The following RASD2 variants were observed in gnomAD, a reference collection of about 807,000 sequenced individuals.
RASD2 encodes the protein RASD family member 2.
In RASD2, 7 loss-of-function variants were observed where a neutral mutation model predicts 15.8. That is an observed-to-expected ratio of 0.44 (90% confidence interval 0.25 to 0.83). The LOEUF (loss-of-function observed/expected upper bound fraction) is 0.83. Ranked by LOEUF, RASD2 falls within the 40% of genes least tolerant of loss-of-function variation. RASD2 has a pLI of 0.20. For synonymous variants in RASD2, 155 were observed against 153.6 expected, an observed-to-expected ratio of 1.01 and a Z score of -0.07; for missense variants, 274 against 382.8, an observed-to-expected ratio of 0.72 and a Z score of 2.37.
chr22:35,546,677 C>G lies in RASD2; in HGVS notation c.-9-124C>G. Reference sequence around the variant, plus strand: ...GTAGAACTCCAAGACCCCTTAGAACCTCGTCTGATGTTCCCATTTTACAGA... The same window carrying G: ...GTAGAACTCCAAGACCCCTTAGAACGTCGTCTGATGTTCCCATTTTACAGA... On this transcript the variant is annotated intron_variant, in intron 1 of 2. Transcript: ENST00000216127. 6.0e-6 allele frequency: 8 copies of G among 1,323,744 alleles called. No homozygotes were observed. In the South Asian group the frequency reaches 1.2e-4, roughly 20 times the overall value. 82.0% of individuals were successfully genotyped at this position (1,323,744 alleles called of 1,614,324 possible).
chr22:35,546,852 C>T lies in RASD2; in HGVS notation c.43C>T (p.Pro15Ser), dbSNP rs778711974. The T allele has an allele frequency of 1.9e-5, 30 of 1,613,558 alleles. No homozygotes were observed. The highest frequency in any genetic ancestry group is 2.5e-5 in the Non-Finnish European group (30 of 1,179,800). Residue 15 changes from proline to serine, a missense_variant, in exon 2 of 3, where the codon CCC becomes TCC. Physicochemically the swap from Pro to Ser is moderately conservative, Grantham distance 74. Coordinates refer to ENST00000216127, the MANE Select transcript of RASD2 (RefSeq NM_014310.4). Reference protein sequence around the residue: ...LSSGNCTLSVPAKNSYRMVVL... With the variant: ...LSSGNCTLSVSAKNSYRMVVL... ...CAGCGGGAACTGCACGCTCAGTGTG[C>T]CCGCCAAAAACTCATACCGCATGGT...
At chr22:35,542,983 A>G (rs1934393059) in intron 1 of RASD2, among the ~76,000 whole-genome samples, 1 of 152,148 alleles carries the variant, frequency 6.6e-6, no homozygotes, top group Non-Finnish European at 1.5e-5. Flanking sequence ...ACTGAGACAG[A>G]CAGTGTTTTG....
chr22:35,552,400 A>C lies in RASD2; in HGVS notation c.*368A>C. 1 of 228,402 alleles carries C rather than the reference A, an allele frequency of 4.4e-6. No individual in the cohort carries two copies. The highest frequency in any genetic ancestry group is 8.6e-6 in the Non-Finnish European group (1 of 116,130). The allele number at this position is 228,402 out of a possible 1,614,324, so 14.1% of individuals were successfully genotyped here. A position where few individuals can be genotyped will look rare whatever the true frequency, so the allele number is the denominator to read the frequency against. On this transcript the variant is annotated 3_prime_UTR_variant, in exon 3 of 3. Transcript: ENST00000216127. The stretch of plus-strand genomic sequence containing the variant: ...CTCCTGGGACAAGCCTCAGGATGAA[A>C]AGGACACAGAAGGCCAGATGAGAAA...
intron 1 of RASD2, among the ~76,000 whole-genome samples, chr22:35,543,819 CT>C: frequency 6.7e-6 from 1 of 148,900 alleles, no homozygotes; most frequent in African/African-American, 2.6e-5. Flanking sequence ...CTCTCTCTGA[CT>C]CTTTGCCTCC....
At position 35,551,112 on chromosome 22, in the gene RASD2, T is replaced by C. The variant is rs760036584; in HGVS notation, c.272-391T>C. The stretch of plus-strand genomic sequence containing the variant: ...ATGAGGCCAGATGCAAACTAGGCAT[T>C]GAGCAAGACAGGCAGGACCCCTGCT... On this transcript the variant is annotated intron_variant, in intron 2 of 2. Coordinates refer to ENST00000216127, the MANE Select transcript of RASD2 (RefSeq NM_014310.4). This position sits in a 1 kb window ranked among gnomAD's most constrained non-coding sequence, Gnocchi z 4.9. Among the ~76,000 whole-genome samples the C allele has an allele frequency of 2.0e-4, 30 of 152,216 alleles. No individual in the cohort carries two copies. The highest frequency in any genetic ancestry group is 4.0e-4 in the Non-Finnish European group (27 of 68,022).
At chr22:35,547,210 G>A (rs1934530082) in intron 2 of RASD2, 130 bp downstream of exon 2, 1 of 1,205,912 alleles carries the variant, frequency 8.3e-7, no homozygotes, top group Non-Finnish European at 1.1e-6. Context: ...TGCACAATGA[G>A]GCTCAGAGAG....
intron 2 of RASD2, among the ~76,000 whole-genome samples, chr22:35,550,338 G>T (rs908556731): frequency 9.9e-5 from 15 of 151,502 alleles, no homozygotes; most frequent in Admixed American, 9.2e-4. Flanking sequence ...CTGCTCCAGA[G>T]GCTGAGGCAG....
intron 1 of RASD2, among the ~76,000 whole-genome samples, chr22:35,546,433 C>G (rs370605527): frequency 6.6e-6 from 1 of 152,222 alleles, no homozygotes; most frequent in African/African-American, 2.4e-5. Flanking sequence ...TGTGCTGAGC[C>G]CTTTGCAACA....
intron 1 of RASD2, 90 bp from the exon 2 acceptor site, chr22:35,546,711 T>G: frequency 6.8e-7 from 1 of 1,467,974 alleles, no homozygotes. Flanking sequence ...GACAGAAAAC[T>G]GAGTCCTAGA....
In RASD2 at chr22:35,540,901, G is replaced by A; in HGVS notation, c.-609G>A. 1 of 152,804 alleles carries A rather than the reference G, an allele frequency of 6.5e-6. No individual in the cohort carries two copies. The highest frequency in any genetic ancestry group is 2.4e-5 in the African/African-American group (1 of 41,586). The allele number at this position is 152,804 out of a possible 1,614,324, so 9.5% of individuals were successfully genotyped here. The stretch of plus-strand genomic sequence containing the variant: ...AGAAAGAAGCCGTCCCTCCGGCGCT[G>A]GGAGAGCTGCAGAGCCGCGGGCAGA... On this transcript the variant is annotated 5_prime_UTR_variant, in exon 1 of 3. Coordinates refer to ENST00000216127, the MANE Select transcript of RASD2 (RefSeq NM_014310.4).
intron 1 of RASD2, among the ~76,000 whole-genome samples, chr22:35,543,323 G>A (rs1390900273): frequency 7.2e-5 from 11 of 152,186 alleles, no homozygotes; most frequent in Admixed American, 7.2e-4. Context: ...GGGGGTCTCC[G>A]TTGAATTTCC....
upstream of RASD2, among the ~76,000 whole-genome samples, chr22:35,538,547 C>A (rs185915548): frequency 1.3e-5 from 2 of 152,284 alleles, no homozygotes; most frequent in African/African-American, 4.8e-5. Context: ...TGTGTATTTG[C>A]TTATTGACTG....
chr22:35,533,600 GATA>G, the RASD2 span, among the ~76,000 whole-genome samples: 889 of 5,248 alleles, frequency 0.17, 12 homozygotes, highest in African/African-American at 0.3. Flanking sequence ...TGATAATGGT[GATA>G]ATGATGATGA....
chr22:35,543,028 T>C (rs750806217), intron 1 of RASD2, among the ~76,000 whole-genome samples: 4 of 152,158 alleles, frequency 2.6e-5, no homozygotes, highest in East Asian at 3.8e-4. Flanking sequence ...TGGGTTTTCA[T>C]AGAGTTAAGA....
chr22:35,551,621 G>A lies in RASD2; in HGVS notation c.390G>A (p.Ala130=), dbSNP rs1934666410. The A allele has an allele frequency of 3.1e-6, 5 of 1,614,032 alleles. No homozygotes were observed. In the Admixed American group the frequency reaches 8.3e-5, roughly 27 times the overall value. ...GCCTGAAGAACAAGACCAAGGAGGC[G>A]GCGGAGCTGCCCATGGTCATCTGTG... The part of the protein sequence containing the change: ...KSCLKNKTKE[A]AELPMVICGN... Residue 130 remains alanine (A), a synonymous_variant, in exon 3 of 3, where the codon GCG becomes GCA. Transcript: ENST00000216127. The surrounding 1 kb of genome is among the most constrained non-coding windows in gnomAD (Gnocchi z 4.9).
intron 1 of RASD2, among the ~76,000 whole-genome samples, chr22:35,542,522 C>T (rs1934378180): frequency 2.0e-5 from 3 of 152,232 alleles, no homozygotes; most frequent in Non-Finnish European, 4.4e-5. Context: ...AAGTGGATGC[C>T]TGCCTACCTT....
At chr22:35,548,267 A>T (rs777036224) in intron 2 of RASD2, among the ~76,000 whole-genome samples, 1 of 152,162 alleles carries the variant, frequency 6.6e-6, no homozygotes, top group African/African-American at 2.4e-5. Context: ...AAGGGATTTT[A>T]TCTCCTTGTG....
At chr22:35,546,567 A>G (rs1372041079) in intron 1 of RASD2, among the ~76,000 whole-genome samples, 2 of 152,200 alleles carry the variant, frequency 1.3e-5, no homozygotes, top group African/African-American at 4.8e-5. Flanking sequence ...CGGTGCTTGC[A>G]TAAATGAAAG....
chr22:35,536,543 T>G (rs1934250614), upstream of RASD2, among the ~76,000 whole-genome samples: 1 of 152,180 alleles, frequency 6.6e-6, no homozygotes, highest in Non-Finnish European at 1.5e-5. Context: ...GCCAGGGTGG[T>G]CTCGATCTCA....
Sources: gnomAD v4.1 joint callset for allele counts (sites outside exome capture counted in the v4.1 genomes callset) on GRCh38, gnomAD v4.1.1 for gene constraint, Gnocchi (gnomAD v3.1) non-coding constraint, MANE v1.5 for transcripts, NCBI Gene and HGNC (gene_info 2026-07-23, HGNC 2026-07-21) for gene names.